MMP16: variants seen among roughly 807,000 people sequenced by gnomAD.
MMP16 encodes matrix metallopeptidase 16, also known as matrix metalloproteinase-16.
In MMP16, 12 loss-of-function variants were observed where a neutral mutation model predicts 67.8. The ratio of observed to expected loss-of-function variants is 0.18; its 90% CI spans 0.11 to 0.29. The LOEUF (loss-of-function observed/expected upper bound fraction) is 0.29, where lower values mean the gene tolerates loss of function less well. Among genes scored for constraint, MMP16 ranks in the 10% least tolerant of loss-of-function variants. The pLI, the probability that MMP16 is intolerant of heterozygous loss-of-function variation, is 1.00. For synonymous variants in MMP16, 249 were observed against 255.9 expected (o/e 0.97, Z 0.26); for missense variants, 475 against 765.7 (o/e 0.62, Z 4.48).
At chr8:88,119,567 G>T (rs1047270083) in intron 4 of MMP16, among the ~76,000 whole-genome samples, 4 of 151,936 alleles carry the variant, frequency 2.6e-5, no homozygotes, top group African/African-American at 9.7e-5. Flanking sequence ...TTCCACCTGT[G>T]GTAAACTTGT....
intron 1 of MMP16, among the ~76,000 whole-genome samples, chr8:88,290,281 G>A (rs1031615049): frequency 1.1e-4 from 17 of 152,056 alleles, no homozygotes; most frequent in African/African-American, 3.6e-4. Flanking sequence ...GGCCAGGCAC[G>A]GTGGCTCACG....
intron 6 of MMP16, among the ~76,000 whole-genome samples, chr8:88,103,575 C>T (rs1434192813): frequency 6.6e-6 from 1 of 151,808 alleles, no homozygotes; most frequent in Non-Finnish European, 1.5e-5. Context: ...CCATCATCAA[C>T]TTCTACAACC....
At position 88,264,492 on chromosome 8, in the gene MMP16, T is replaced by C. The variant is rs189310474; in HGVS notation, c.132+62583A>G. Among the ~76,000 whole-genome samples, 5 of 152,294 alleles carry C rather than the reference T, an allele frequency of 3.3e-5. No homozygotes were observed. The East Asian group carries it at 7.7e-4, about 24-fold the overall frequency. On this transcript the variant is annotated intron_variant, in intron 1 of 9. Coordinates refer to ENST00000286614, the MANE Select transcript of MMP16 (RefSeq NM_005941.5). ...CTAGGGTTACAGATACGACCAGCCA[T>C]GCCCAGCTACAAGTCCATATTTTTG...
At chr8:88,257,135 T>C (rs940527531) in intron 1 of MMP16, among the ~76,000 whole-genome samples, 3 of 152,208 alleles carry the variant, frequency 2.0e-5, no homozygotes, top group Non-Finnish European at 4.4e-5. Flanking sequence ...AACATATTGT[T>C]ATTTCACTTG....
intron 2 of MMP16, among the ~76,000 whole-genome samples, chr8:88,196,522 A>G (rs1300171279): frequency 6.6e-6 from 1 of 152,162 alleles, no homozygotes; most frequent in Non-Finnish European, 1.5e-5. Flanking sequence ...AGCTGAATAA[A>G]TAAGTGAATG....
chr8:88,096,063 A>T (rs1158520125), intron 6 of MMP16, among the ~76,000 whole-genome samples: 1 of 152,010 alleles, frequency 6.6e-6, no homozygotes, highest in Non-Finnish European at 1.5e-5. Context: ...ACAGATCTAC[A>T]ATCCCTAATC....
chr8:88,149,589 C>T (rs1408061013), intron 4 of MMP16, among the ~76,000 whole-genome samples: 2 of 152,036 alleles, frequency 1.3e-5, no homozygotes, highest in South Asian at 2.1e-4. Flanking sequence ...AGGCACCCCC[C>T]AGCAGGGGCA....
At chr8:88,247,141 C>T (rs534365388) in intron 1 of MMP16, among the ~76,000 whole-genome samples, 27 of 152,142 alleles carry the variant, frequency 1.8e-4, no homozygotes, top group African/African-American at 5.8e-4. Flanking sequence ...GGTAGGGGCA[C>T]GGTCAACATT....
chr8:88,263,156 A>G (rs17667265), intron 1 of MMP16, among the ~76,000 whole-genome samples: 1 of 151,914 alleles, frequency 6.6e-6, no homozygotes, highest in African/African-American at 2.4e-5. Context: ...GACAATCAAC[A>G]CCCTTTGCTC....
chr8:88,049,815 C>T (rs543493850), intron 8 of MMP16, among the ~76,000 whole-genome samples: 23 of 151,958 alleles, frequency 1.5e-4, no homozygotes, highest in African/African-American at 4.6e-4. Flanking sequence ...CTTGAGCCCA[C>T]GAGTTTGAGA....
At chr8:88,321,710 T>C (rs1269486816) in intron 1 of MMP16, among the ~76,000 whole-genome samples, 1 of 152,194 alleles carries the variant, frequency 6.6e-6, no homozygotes, top group African/African-American at 2.4e-5. Context: ...GCATTTCCCA[T>C]CCCCTTTGGC....
chr8:88,322,473 T>C (rs1183396275), intron 1 of MMP16, among the ~76,000 whole-genome samples: 1 of 152,090 alleles, frequency 6.6e-6, no homozygotes, highest in African/African-American at 2.4e-5. Context: ...CTGATAGATG[T>C]TTATGTCATT....
chr8:88,158,439 A>G (rs1808552660), intron 4 of MMP16, among the ~76,000 whole-genome samples: 2 of 152,132 alleles, frequency 1.3e-5, no homozygotes, highest in South Asian at 4.1e-4. Context: ...GCACTTTTTC[A>G]TGTGTCTGTT....
At chr8:88,093,495 A>G (rs1808974565) in intron 6 of MMP16, among the ~76,000 whole-genome samples, 3 of 151,788 alleles carry the variant, frequency 2.0e-5, no homozygotes, top group Admixed American at 2.0e-4. Flanking sequence ...ATCTTGATAC[A>G]CAGTGACCCT....
chr8:88,238,985 G>A (rs1809990345), intron 1 of MMP16, among the ~76,000 whole-genome samples: 2 of 152,002 alleles, frequency 1.3e-5, no homozygotes, highest in South Asian at 2.1e-4. Flanking sequence ...TATAAGCCTT[G>A]TATATTTCCC....
At chr8:88,294,277 TACAC>T (rs986804974) in intron 1 of MMP16, among the ~76,000 whole-genome samples, 1 of 145,142 alleles carries the variant, frequency 6.9e-6, no homozygotes, top group African/African-American at 2.7e-5. Flanking sequence ...TATCTATATA[TACAC>T]ACACACATAT....
At chr8:88,326,939 G>A in intron 1 of MMP16, 136 bp downstream of exon 1, 3 of 1,119,334 alleles carry the variant, frequency 2.7e-6, no homozygotes, top group Non-Finnish European at 3.9e-6. Context: ...AACTGAACCA[G>A]GGTCTCCACA....
chr8:88,120,840 A>G (rs868787403), intron 4 of MMP16, among the ~76,000 whole-genome samples: 20 of 151,964 alleles, frequency 1.3e-4, no homozygotes, highest in African/African-American at 4.6e-4. Context: ...TCTTGTTTTA[A>G]TCTTTACAGG....
intron 4 of MMP16, among the ~76,000 whole-genome samples, chr8:88,146,605 G>A (rs1731846451): frequency 6.6e-6 from 1 of 151,758 alleles, no homozygotes. Flanking sequence ...TGCAACCATA[G>A]TACTATATTT....
Sources: gnomAD v4.1 joint callset for allele counts (sites outside exome capture counted in the v4.1 genomes callset) on GRCh38, gnomAD v4.1.1 for gene constraint, MANE v1.5 for transcripts, NCBI Gene and HGNC (gene_info 2026-07-23, HGNC 2026-07-21) for gene names.